Variants in KCNT2 observed in about 807,000 individuals in gnomAD.
KCNT2 encodes the protein potassium channel subfamily T member 2.
In KCNT2, 67 loss-of-function variants were observed where a neutral mutation model predicts 153.8. The ratio of observed to expected loss-of-function variants is 0.44; its 90% CI spans 0.36 to 0.53. The LOEUF is 0.53. Among genes scored for constraint, KCNT2 ranks in the 20% least tolerant of loss-of-function variants. The pLI, the probability that KCNT2 is intolerant of heterozygous loss-of-function variation, is 0.00. For synonymous variants in KCNT2, 500 were observed against 458.8 expected (o/e 1.09, Z -1.15); for missense variants, 975 against 1,354.8 (o/e 0.72, Z 4.40).
chr1:196,245,552 G>C (rs1054039082), intron 26 of KCNT2, among the ~76,000 whole-genome samples: 4 of 152,166 alleles, frequency 2.6e-5, no homozygotes, highest in African/African-American at 9.7e-5. Flanking sequence ...TGGAAAGACA[G>C]ATATTTGATT....
rs186190783 is a variant in KCNT2 at position 196,254,316 on chromosome 1, T to C, written c.3211+3878A>G. Among the ~76,000 whole-genome samples the C allele has an allele frequency of 2.2e-3, 337 of 151,544 alleles. 5 individuals are homozygous for C. Among genetic ancestry groups the C allele is most frequent in the Non-Finnish European group, 6.1e-4 (41 of 67,466 alleles). On this transcript the variant is annotated intron_variant, in intron 26 of 27. Transcript: ENST00000294725. ...ATTATACAGAATATAATTAATTTTC[T>C]GGGGAAAATACACACACACTCATTT...
chr1:196,592,493 ACT>A (rs1234255191), intron 1 of KCNT2, among the ~76,000 whole-genome samples: 1 of 147,724 alleles, frequency 6.8e-6, no homozygotes, highest in African/African-American at 2.5e-5. Context: ...TTAATATATA[ACT>A]TTCTAACTAT....
In KCNT2 at chr1:196,283,301, C is replaced by T. The variant is rs189208550; in HGVS notation, c.2698-945G>A. Among the ~76,000 whole-genome samples, 795 of 151,914 alleles carry T rather than the reference C, an allele frequency of 5.2e-3. 8 individuals carry two copies. Among genetic ancestry groups the T allele is most frequent in the African/African-American group, 0.018 (745 of 41,502 alleles). On this transcript the variant is annotated intron_variant, in intron 23 of 27. Transcript: ENST00000294725. Reference sequence around the variant, plus strand: ...CTAAAAATACAGAAAATTAGCTGGGCGTGGTGGCGGGCACCTGTAGTCCCA... The same window carrying T: ...CTAAAAATACAGAAAATTAGCTGGGTGTGGTGGCGGGCACCTGTAGTCCCA...
At chr1:196,416,086 T>G (rs566599840) in intron 12 of KCNT2, among the ~76,000 whole-genome samples, 16 of 144,932 alleles carry the variant, frequency 1.1e-4, no homozygotes, top group African/African-American at 3.7e-4. Flanking sequence ...ACCCAGGACA[T>G]GAATTATCCT....
intron 1 of KCNT2, among the ~76,000 whole-genome samples, chr1:196,561,182 G>C (rs1005054429): frequency 6.6e-6 from 1 of 151,082 alleles, no homozygotes; most frequent in South Asian, 2.1e-4. Context: ...ATCATTCCAC[G>C]ACTTATACAT....
intron 18 of KCNT2, among the ~76,000 whole-genome samples, chr1:196,330,459 A>G (rs1225233860): frequency 6.6e-6 from 1 of 151,932 alleles, no homozygotes; most frequent in Non-Finnish European, 1.5e-5. Flanking sequence ...TCAAAACTTA[A>G]TGTAAAAGAA....
intron 1 of KCNT2, among the ~76,000 whole-genome samples, chr1:196,512,806 CA>C (rs1204609677): frequency 1.3e-5 from 2 of 152,066 alleles, no homozygotes; most frequent in Non-Finnish European, 2.9e-5. Context: ...ATCCATTTAT[CA>C]ATCTACAAAA....
intron 16 of KCNT2, among the ~76,000 whole-genome samples, chr1:196,336,006 T>C (rs1223350201): frequency 1.3e-5 from 2 of 152,160 alleles, no homozygotes; most frequent in Non-Finnish European, 2.9e-5. Flanking sequence ...CATTTTTGCT[T>C]CATTCCACCC....
intron 19 of KCNT2, 57 bp downstream of exon 19, chr1:196,326,660 C>T (rs1663890669): frequency 1.0e-6 from 1 of 995,964 alleles, no homozygotes; most frequent in Non-Finnish European, 1.4e-6. Flanking sequence ...TTTTGATATA[C>T]ATTAACATAC....
chr1:196,482,460 T>G, intron 3 of KCNT2, 81 bp from the exon 4 acceptor site: 1 of 707,366 alleles, frequency 1.4e-6, no homozygotes, highest in East Asian at 3.2e-5. Context: ...AAGTTGGAAA[T>G]ATTAAAATAT....
rs1673401934 is a variant in KCNT2, at chr1:196,423,662, A to C, written c.1122-549T>G. On this transcript the variant is annotated intron_variant, in intron 11 of 27. Coordinates refer to ENST00000294725, the MANE Select transcript of KCNT2 (RefSeq NM_198503.5). ...AGTGTTTGATACATGATGTTCTAAG[A>C]GCACAAGAATGTTTATTTTCAAAAT... is the stretch of plus-strand genomic sequence containing the variant. Among the ~76,000 whole-genome samples, 4 of 151,526 alleles carry C rather than the reference A, an allele frequency of 2.6e-5. 1 individual carries two copies. The South Asian group carries it at 8.3e-4, about 32-fold the overall frequency.
At chr1:196,255,270 C>T (rs1656372777) in intron 26 of KCNT2, among the ~76,000 whole-genome samples, 1 of 151,748 alleles carries the variant, frequency 6.6e-6, no homozygotes, top group Non-Finnish European at 1.5e-5. Context: ...ACTAACACAT[C>T]ATACCCCTGG....
At chr1:196,258,604 T>A in intron 25 of KCNT2, 110 bp from the exon 26 acceptor site, 1 of 907,126 alleles carries the variant, frequency 1.1e-6, no homozygotes, top group Non-Finnish European at 1.7e-6. Context: ...CTCAGGAGAG[T>A]TTTCACAGAA....
chr1:196,383,720 A>G (rs1052166754), intron 13 of KCNT2, among the ~76,000 whole-genome samples: 4 of 152,148 alleles, frequency 2.6e-5, no homozygotes, highest in Non-Finnish European at 4.4e-5. Flanking sequence ...AAAAAAATAA[A>G]CTTTTGAATC....
At position 196,340,533 on chromosome 1, in the gene KCNT2, T is replaced by C. The variant is rs778676289; in HGVS notation, c.1591A>G (p.Asn531Asp). The change falls in exon 16 of 28, where the codon AAT becomes GAT. Residue 531 changes from asparagine to aspartate, a missense_variant. This residue lies in a region of KCNT2 where 325 missense variants were observed against 388.1 expected (regional missense o/e 0.84). Transcript: ENST00000294725. The stretch of plus-strand genomic sequence containing the variant: ...CCTGGATTCAGCAAAATGTTTTTAT[T>C]ATCCTCCCTCCTAACACCAATCAAG... ...VCLIGVRRED[N>D]KNILLNPGPR... 16 of 1,610,478 alleles carry C rather than the reference T, an allele frequency of 9.9e-6. No homozygotes were observed. The highest frequency in any genetic ancestry group is 1.3e-5 in the Non-Finnish European group (15 of 1,177,988).
At chr1:196,457,635 G>A (rs1324938308) in intron 8 of KCNT2, among the ~76,000 whole-genome samples, 2 of 151,764 alleles carry the variant, frequency 1.3e-5, no homozygotes. Flanking sequence ...AATGTATTAA[G>A]AACAACCTAG....
chr1:196,492,075 G>A (rs1301881947), intron 2 of KCNT2, among the ~76,000 whole-genome samples, 187 bp downstream of exon 2: 1 of 151,964 alleles, frequency 6.6e-6, no homozygotes, highest in Non-Finnish European at 1.5e-5. Flanking sequence ...TATATGTAGT[G>A]CCTATACTTT....
intron 8 of KCNT2, among the ~76,000 whole-genome samples, chr1:196,457,586 A>G (rs970757364): frequency 6.6e-6 from 1 of 151,782 alleles, no homozygotes; most frequent in Non-Finnish European, 1.5e-5. Context: ...TTAAGAGAGT[A>G]ATTAAGGAAG....
intron 25 of KCNT2, among the ~76,000 whole-genome samples, chr1:196,261,893 T>C (rs1314839352): frequency 2.0e-5 from 3 of 151,966 alleles, no homozygotes; most frequent in Admixed American, 6.6e-5. Flanking sequence ...CATTTGCATA[T>C]GTAAATGAAA....
Sources: gnomAD v4.1 joint callset for allele counts (sites outside exome capture counted in the v4.1 genomes callset) on GRCh38, gnomAD v4.1.1 for gene constraint, gnomAD v4.1.1 regional missense constraint, MANE v1.5 for transcripts, NCBI Gene and HGNC (gene_info 2026-07-23, HGNC 2026-07-21) for gene names.